Variants in ZNF804B observed in about 807,000 individuals in gnomAD.
ZNF804B encodes zinc finger protein 804B, also known as zinc finger 804B.
In ZNF804B, 80 loss-of-function variants were observed where a neutral mutation model predicts 101.4. The observed-to-expected ratio is 0.79, with a 90% confidence interval of 0.66 to 0.95. ZNF804B has a LOEUF of 0.95. Among genes scored for constraint, ZNF804B ranks in the 40% least tolerant of loss-of-function variants. The pLI is 0.00. For missense variants in ZNF804B, 1,673 were observed against 1,561.9 expected (o/e 1.07, Z -1.20); for synonymous variants, 622 against 558.8 (o/e 1.11, Z -1.59).
chr7:89,241,570 T>C (rs1046996191), intron 2 of ZNF804B, among the ~76,000 whole-genome samples: 1 of 152,150 alleles, frequency 6.6e-6, no homozygotes, highest in Non-Finnish European at 1.5e-5. Flanking sequence ...TCTAATACTA[T>C]TGTACCTAGT....
At chr7:88,893,976 C>T (rs901127967) in intron 1 of ZNF804B, among the ~76,000 whole-genome samples, 1 of 151,894 alleles carries the variant, frequency 6.6e-6, no homozygotes, top group African/African-American at 2.4e-5. Context: ...TAGCATGTAT[C>T]TGAAATAAAT....
intron 1 of ZNF804B, among the ~76,000 whole-genome samples, chr7:88,954,221 G>T (rs1225470271): frequency 1.3e-5 from 2 of 151,464 alleles, no homozygotes; most frequent in Non-Finnish European, 3.0e-5. Context: ...AATAAAGATT[G>T]ACTTTTTTTT....
intron 1 of ZNF804B, among the ~76,000 whole-genome samples, chr7:89,008,988 T>C (rs1788412335): frequency 6.6e-6 from 1 of 152,198 alleles, no homozygotes; most frequent in Non-Finnish European, 1.5e-5. Context: ...TACAGGGTCA[T>C]ATACCTGCCA....
chr7:89,103,659 TA>T (rs1790093500), intron 1 of ZNF804B, among the ~76,000 whole-genome samples: 1 of 151,896 alleles, frequency 6.6e-6, no homozygotes, highest in Non-Finnish European at 1.5e-5. Context: ...TCTAGGTATA[TA>T]ATTATGTTAT....
At chr7:89,083,212 A>G (rs909600194) in intron 1 of ZNF804B, among the ~76,000 whole-genome samples, 3 of 151,852 alleles carry the variant, frequency 2.0e-5, no homozygotes, top group Admixed American at 6.6e-5. Context: ...AACAGAAAAT[A>G]TAGCTTACTG....
At chr7:89,033,672 T>A (rs963485547) in intron 1 of ZNF804B, among the ~76,000 whole-genome samples, 4 of 152,088 alleles carry the variant, frequency 2.6e-5, no homozygotes, top group Admixed American at 2.0e-4. Context: ...AAAAAAAAAT[T>A]ATGTAAATAC....
At chr7:88,873,985 A>C (rs921185636) in intron 1 of ZNF804B, among the ~76,000 whole-genome samples, 2 of 152,126 alleles carry the variant, frequency 1.3e-5, no homozygotes, top group African/African-American at 4.8e-5. Context: ...ACTTTAAAGT[A>C]GTTTTTTCCA....
At chr7:88,960,566 CTT>C (rs1426343471) in intron 1 of ZNF804B, among the ~76,000 whole-genome samples, 1 of 151,270 alleles carries the variant, frequency 6.6e-6, no homozygotes, top group African/African-American at 2.4e-5. Context: ...TTAGGTGACT[CTT>C]AGGTGAGGGC....
intron 1 of ZNF804B, among the ~76,000 whole-genome samples, chr7:88,841,756 C>A (rs1166743329): frequency 6.6e-6 from 1 of 152,128 alleles, no homozygotes; most frequent in African/African-American, 2.4e-5. Context: ...TCTCAAACCT[C>A]ACAGTTTGGT....
intron 2 of ZNF804B, among the ~76,000 whole-genome samples, chr7:89,272,760 A>G (rs1340298269): frequency 6.6e-6 from 1 of 152,132 alleles, no homozygotes; most frequent in African/African-American, 2.4e-5. Context: ...ATAGGTGGAA[A>G]GTTTTCTTAA....
chr7:89,042,924 A>G (rs79920709), intron 1 of ZNF804B, among the ~76,000 whole-genome samples: 20,143 of 152,234 alleles, frequency 0.13, 1,777 homozygotes, highest in South Asian at 0.2. Context: ...GAAATAATGC[A>G]TATGTTATGT....
At chr7:88,920,471 A>G (rs1792704244) in intron 1 of ZNF804B, among the ~76,000 whole-genome samples, 1 of 152,062 alleles carries the variant, frequency 6.6e-6, no homozygotes, top group Admixed American at 6.6e-5. Flanking sequence ...ACAAATTTCA[A>G]ATTTGGATTT....
intron 1 of ZNF804B, among the ~76,000 whole-genome samples, chr7:88,998,032 C>T (rs536347404): frequency 8.5e-5 from 13 of 152,142 alleles, no homozygotes; most frequent in African/African-American, 2.9e-4. Context: ...CTTTGTCATC[C>T]TTGGCCTCAT....
chr7:89,281,675 T>C (rs1185731300), intron 2 of ZNF804B, among the ~76,000 whole-genome samples: 3 of 152,108 alleles, frequency 2.0e-5, no homozygotes, highest in Non-Finnish European at 4.4e-5. Flanking sequence ...ATGAAATAAA[T>C]ATCTCTGTAG....
chr7:89,034,685 A>C (rs1392119619), intron 1 of ZNF804B, among the ~76,000 whole-genome samples: 1 of 152,140 alleles, frequency 6.6e-6, no homozygotes. Flanking sequence ...AGTCTTTGCT[A>C]TTGTGAATAG....
intron 1 of ZNF804B, among the ~76,000 whole-genome samples, chr7:88,930,272 A>G (rs1221041335): frequency 6.6e-6 from 1 of 151,978 alleles, no homozygotes; most frequent in Admixed American, 6.6e-5. Flanking sequence ...GTTGGGATAT[A>G]GTTGCAAAAA....
At chr7:89,320,023 T>C (rs1216318289) in intron 2 of ZNF804B, among the ~76,000 whole-genome samples, 1 of 142,824 alleles carries the variant, frequency 7.0e-6, no homozygotes, top group African/African-American at 2.6e-5. Flanking sequence ...AGAGGTATAA[T>C]AGTCAATACA....
intron 1 of ZNF804B, among the ~76,000 whole-genome samples, chr7:89,215,224 A>G (rs1422403287): frequency 6.6e-6 from 1 of 152,186 alleles, no homozygotes; most frequent in African/African-American, 2.4e-5. Flanking sequence ...TAGTCTAACG[A>G]CCTTGTAAAA....
chr7:88,954,410 T>A (rs1393822266), intron 1 of ZNF804B, among the ~76,000 whole-genome samples: 1 of 151,740 alleles, frequency 6.6e-6, no homozygotes, highest in African/African-American at 2.4e-5. Flanking sequence ...AGAGATTGTA[T>A]TCATATTGCT....
Sources: allele counts gnomAD v4.1 joint callset (sites outside exome capture counted in the v4.1 genomes callset), GRCh38; gene constraint gnomAD v4.1.1; transcripts MANE v1.5; gene names NCBI Gene and HGNC (gene_info 2026-07-23, HGNC 2026-07-21).